The following RGS8 variants were observed in gnomAD, a reference collection of about 807,000 sequenced individuals.
RGS8 encodes regulator of G protein signaling 8.
In RGS8, 8 loss-of-function variants were observed where a neutral mutation model predicts 21.7. That is an observed-to-expected ratio of 0.37 (90% CI 0.22 to 0.66). The LOEUF is 0.66. Ranked by LOEUF, RGS8 falls within the 30% of genes least tolerant of loss-of-function variation. The probability of loss-of-function intolerance (pLI) is 0.59; values close to 1 mark genes in which losing one functional copy is unlikely to be tolerated. For missense variants in RGS8, 157 were observed against 217.9 expected, an observed-to-expected ratio of 0.72 and a Z score of 1.76; for synonymous variants, 80 against 83.6, an observed-to-expected ratio of 0.96 and a Z score of 0.24.
the RGS8 span, among the ~76,000 whole-genome samples, chr1:182,726,408 C>A: frequency 6.6e-6 from 1 of 152,140 alleles, no homozygotes; most frequent in African/African-American, 2.4e-5. Context: ...CGGTGGCTCA[C>A]GCCTGTAATC....
chr1:182,663,276 A>G (rs1663691397), intron 5 of RGS8, among the ~76,000 whole-genome samples: 1 of 152,240 alleles, frequency 6.6e-6, no homozygotes, highest in African/African-American at 2.4e-5. Flanking sequence ...ACATCCTTCA[A>G]GATAACCTGG....
At chr1:182,707,494 C>T in the RGS8 span, among the ~76,000 whole-genome samples, 1 of 152,152 alleles carries the variant, frequency 6.6e-6, no homozygotes, top group Non-Finnish European at 1.5e-5. Context: ...TCAAACCATT[C>T]TGCTCCTTTT....
upstream of RGS8, among the ~76,000 whole-genome samples, chr1:182,689,270 C>T (rs903688569): frequency 9.7e-5 from 12 of 123,084 alleles, no homozygotes; most frequent in Non-Finnish European, 1.5e-4. Flanking sequence ...CACAGACACA[C>T]ACACACACAC....
At chr1:182,740,457 G>T in the RGS8 span, among the ~76,000 whole-genome samples, 1 of 150,770 alleles carries the variant, frequency 6.6e-6, no homozygotes, top group African/African-American at 2.4e-5. Flanking sequence ...GAGCAAAACT[G>T]AGGCATCAAA....
At chr1:182,661,949 C>A (rs1373469344) in intron 5 of RGS8, among the ~76,000 whole-genome samples, 1 of 152,102 alleles carries the variant, frequency 6.6e-6, no homozygotes, top group African/African-American at 2.4e-5. Flanking sequence ...AAATCCTTCC[C>A]TATTTAATGA....
chr1:182,684,814 A>T (rs1451370325), upstream of RGS8, among the ~76,000 whole-genome samples: 1 of 152,188 alleles, frequency 6.6e-6, no homozygotes. The surrounding 1 kb of genome is among the most constrained non-coding windows in gnomAD (Gnocchi z 4.2). Context: ...GCAGAGGGGA[A>T]GGTGAGGGAG....
At chr1:182,742,632 G>A in the RGS8 span, among the ~76,000 whole-genome samples, 2 of 152,214 alleles carry the variant, frequency 1.3e-5, no homozygotes, top group Non-Finnish European at 2.9e-5. Context: ...GCAGGCACTC[G>A]GCAAGCTGAG....
chr1:182,647,089 G>A (rs1477382126), intron 6 of RGS8, among the ~76,000 whole-genome samples, 172 bp from the exon 8 acceptor site: 6 of 152,236 alleles, frequency 3.9e-5, no homozygotes, highest in Admixed American at 6.5e-5. Context: ...CAAGAATCCT[G>A]TGGGGTCTGA....
At chr1:182,740,407 C>T in the RGS8 span, among the ~76,000 whole-genome samples, 2 of 152,098 alleles carry the variant, frequency 1.3e-5, no homozygotes, top group African/African-American at 2.4e-5. Flanking sequence ...TCAAAACAGC[C>T]ATATGAGATA....
At chr1:182,742,407 T>C in the RGS8 span, among the ~76,000 whole-genome samples, 15 of 151,890 alleles carry the variant, frequency 9.9e-5, no homozygotes, top group Non-Finnish European at 1.3e-4. Flanking sequence ...GTGGAGGTTG[T>C]AGCGAGCCGA....
chr1:182,693,451 T>C, the RGS8 span, among the ~76,000 whole-genome samples: 2 of 152,190 alleles, frequency 1.3e-5, no homozygotes, highest in East Asian at 1.9e-4. Context: ...ATGGCTATTA[T>C]TAAGACATCA....
the RGS8 span, among the ~76,000 whole-genome samples, chr1:182,750,602 A>G: frequency 2.0e-5 from 3 of 152,200 alleles, no homozygotes; most frequent in African/African-American, 7.2e-5. Context: ...GGTTCCTCTA[A>G]CTGCAAACAG....
At chr1:182,696,344 A>T in the RGS8 span, among the ~76,000 whole-genome samples, 1 of 151,844 alleles carries the variant, frequency 6.6e-6, no homozygotes, top group African/African-American at 2.4e-5. Context: ...TATTTTTGAG[A>T]TGGAGTCTGG....
chr1:182,696,640 G>A, the RGS8 span, among the ~76,000 whole-genome samples: 1 of 152,172 alleles, frequency 6.6e-6, no homozygotes, highest in Non-Finnish European at 1.5e-5. Flanking sequence ...GTGAGCCACC[G>A]TGCCAAGCCT....
At chr1:182,684,993 C>T (rs546833257), upstream of RGS8, among the ~76,000 whole-genome samples, 133 of 152,092 alleles carry the variant, frequency 8.7e-4, 3 homozygotes, top group South Asian at 0.027. This position sits in a 1 kb window ranked among gnomAD's most constrained non-coding sequence, Gnocchi z 4.2. Flanking sequence ...TCAAGGTTGT[C>T]GCTCTCCTTT....
chr1:182,659,074 T>C (rs898774147), intron 5 of RGS8, among the ~76,000 whole-genome samples: 1 of 152,190 alleles, frequency 6.6e-6, no homozygotes, highest in South Asian at 2.1e-4. Context: ...GTTAAAGTCT[T>C]TGCACCAGAA....
the RGS8 span, among the ~76,000 whole-genome samples, chr1:182,694,652 CA>C: frequency 6.6e-6 from 1 of 151,732 alleles, no homozygotes; most frequent in East Asian, 1.9e-4. Flanking sequence ...ACTAAAAATA[CA>C]AAAAATTAGC....
At chr1:182,729,079 C>T in the RGS8 span, among the ~76,000 whole-genome samples, 609 of 152,314 alleles carry the variant, frequency 4.0e-3, 2 homozygotes, top group African/African-American at 0.013. Flanking sequence ...GCTTCTTTTA[C>T]GAGGCTTTCT....
the RGS8 span, among the ~76,000 whole-genome samples, chr1:182,730,686 G>C: frequency 1.3e-5 from 2 of 151,554 alleles, no homozygotes; most frequent in Admixed American, 6.6e-5. Context: ...CCCCAGCCTG[G>C]GTGACAAGAG....
Sources: gnomAD v4.1 joint callset for allele counts (sites outside exome capture counted in the v4.1 genomes callset) on GRCh38, gnomAD v4.1.1 for gene constraint, Gnocchi (gnomAD v3.1) non-coding constraint, MANE v1.5 for transcripts, NCBI Gene and HGNC (gene_info 2026-07-23, HGNC 2026-07-21) for gene names.